The following XYLT1 variants were observed in gnomAD, a reference collection of about 807,000 sequenced individuals.
XYLT1 encodes the protein beta-D-xylosyltransferase 1.
In XYLT1, 36 loss-of-function variants were observed where a neutral mutation model predicts 91.3. The observed-to-expected ratio is 0.39, with a 90% CI of 0.30 to 0.52. The LOEUF is 0.52. Ranked by LOEUF, XYLT1 falls within the 20% of genes least tolerant of loss-of-function variation. XYLT1 has a pLI of 0.68. For synonymous variants in XYLT1, 588 were observed against 532.0 expected, an observed-to-expected ratio of 1.11 and a Z score of -1.45; for missense variants, 1,242 against 1,284.5, an observed-to-expected ratio of 0.97 and a Z score of 0.51.
chr16:17,427,671 A>G (rs370799658), intron 1 of XYLT1, among the ~76,000 whole-genome samples: 38 of 152,348 alleles, frequency 2.5e-4, no homozygotes, highest in African/African-American at 8.2e-4. Context: ...CAACAGCTGA[A>G]TCAGCATCCA....
At position 17,470,692 on chromosome 16, in the gene XYLT1, G is replaced by A; in HGVS notation, c.105C>T (p.Phe35=). ...CCCCGGCCCCGGAGTCGAGGCTGCT[G>A]AAATTCCACACGACCAGCGTCTGCA... ...LLLQTLVVWN[F]SSLDSGAGER... The change falls in exon 1 of 12, where the codon TTC becomes TTT. Residue 35 remains phenylalanine (F), a synonymous_variant. Transcript: ENST00000261381. 1 of 1,165,082 alleles carries A rather than the reference G, an allele frequency of 8.6e-7. No individual in the cohort carries two copies. The highest frequency in any genetic ancestry group is 1.1e-6 in the Non-Finnish European group (1 of 925,758). The allele number at this position is 1,165,082 out of a possible 1,614,324, so 72.2% of individuals were successfully genotyped here. A position where few individuals can be genotyped will look rare whatever the true frequency, so the allele number is the denominator to read the frequency against.
At chr16:17,277,448 G>T (rs1339596220) in intron 2 of XYLT1, among the ~76,000 whole-genome samples, 1 of 152,098 alleles carries the variant, frequency 6.6e-6, no homozygotes, top group Non-Finnish European at 1.5e-5. Context: ...GGAGTGCAGT[G>T]GCGCGATCTC....
At chr16:17,190,704 T>C (rs1273431363) in intron 5 of XYLT1, among the ~76,000 whole-genome samples, 2 of 152,146 alleles carry the variant, frequency 1.3e-5, no homozygotes, top group African/African-American at 4.8e-5. Context: ...TTGATGGACA[T>C]TTGGATTGGT....
intron 2 of XYLT1, among the ~76,000 whole-genome samples, chr16:17,285,950 G>C (rs2034134074): frequency 6.6e-6 from 1 of 151,752 alleles, no homozygotes; most frequent in Non-Finnish European, 1.5e-5. Context: ...GAGAGAGAGA[G>C]AGAAAGAGAG....
Position 17,333,535 on chromosome 16 carries a change from C to T in XYLT1, c.402+24477G>A, listed in dbSNP as rs748864281. On this transcript the variant is annotated intron_variant, in intron 2 of 11. Coordinates refer to ENST00000261381, the MANE Select transcript of XYLT1 (RefSeq NM_022166.4). ...TTCTGGAGGGTTGCTAGGGTTTCAA[C>T]GTCCATGTCACCTCCAAAATTCATG... 4.0e-5 allele frequency among the ~76,000 whole-genome samples: 6 copies of T among 151,236 alleles called. No individual in the cohort carries two copies. The East Asian group carries it at 9.7e-4, about 24-fold the overall frequency.
chr16:17,447,916 T>A (rs2036613684), intron 1 of XYLT1, among the ~76,000 whole-genome samples: 1 of 152,234 alleles, frequency 6.6e-6, no homozygotes, highest in Non-Finnish European at 1.5e-5. Flanking sequence ...CATTGTGGCC[T>A]CTGTGCTTCA....
intron 1 of XYLT1, among the ~76,000 whole-genome samples, chr16:17,371,317 C>A (rs992275720): frequency 2.6e-5 from 4 of 152,222 alleles, no homozygotes; most frequent in Non-Finnish European, 5.9e-5. Context: ...ACATAGAAAG[C>A]ACTTGGTAAA....
intron 6 of XYLT1, among the ~76,000 whole-genome samples, chr16:17,148,292 C>A (rs1468392224): frequency 6.6e-6 from 1 of 152,242 alleles, no homozygotes; most frequent in Non-Finnish European, 1.5e-5. Flanking sequence ...ATCCCTCCCC[C>A]ATGCCTGGCA....
rs2030639036 is a variant in XYLT1 at position 17,134,669 on chromosome 16, G to C, written c.1831C>G (p.Gln611Glu). Reference protein sequence around the residue: ...EAVVNQEIIGQLDYYLYGNYP... With the variant: ...EAVVNQEIIGELDYYLYGNYP... ...TTCCCGTACAGGTAATAGTCCAGCTGCCCAATGATTTCCTGATTCACCACG... is the reference window on the plus strand; with the variant it reads ...TTCCCGTACAGGTAATAGTCCAGCTCCCCAATGATTTCCTGATTCACCACG... Residue 611 changes from glutamine to glutamate, a missense_variant, in exon 9 of 12, where the codon CAG (glutamine) becomes GAG (glutamate). Around this residue, in one of 3 missense-constraint regions of XYLT1, gnomAD observed 511 missense variants for 497.0 expected, o/e 1.03. Transcript: ENST00000261381. 6.2e-7 allele frequency: 1 copy of C among 1,614,208 alleles called. No homozygotes were observed. Among genetic ancestry groups the C allele is most frequent in the Non-Finnish European group, 8.5e-7 (1 of 1,180,034 alleles).
intron 2 of XYLT1, among the ~76,000 whole-genome samples, chr16:17,261,089 A>C (rs573091382): frequency 2.7e-3 from 405 of 152,140 alleles, no homozygotes; most frequent in South Asian, 5.2e-3. Context: ...CACACACACA[A>C]AAAATAGCTA....
At chr16:17,463,258 C>T (rs533193136) in intron 1 of XYLT1, among the ~76,000 whole-genome samples, 7 of 152,176 alleles carry the variant, frequency 4.6e-5, no homozygotes, top group African/African-American at 9.6e-5. Context: ...AGCTTCTGCA[C>T]GGCAAACAAT....
intron 3 of XYLT1, among the ~76,000 whole-genome samples, chr16:17,257,652 T>C (rs1006209350): frequency 6.6e-6 from 1 of 152,042 alleles, no homozygotes. Flanking sequence ...GATGGTACAT[T>C]GGGGTTCTCT....
At chr16:17,214,924 G>A (rs2032827742) in intron 3 of XYLT1, among the ~76,000 whole-genome samples, 1 of 152,144 alleles carries the variant, frequency 6.6e-6, no homozygotes, top group Admixed American at 6.5e-5. Context: ...TCTGTTTCTC[G>A]ATGCTGAGGT....
At position 17,109,114 on chromosome 16, in the gene XYLT1, C is replaced by T. The variant is rs538813398; in HGVS notation, c.2558-97G>A. ...GCCTGGTGCTGCACTGGGTGCCATG[C>T]ATCGCCTCATTTAATTCACATGACA... On this transcript the variant is annotated intron_variant, in intron 11 of 11. Coordinates refer to ENST00000261381, the MANE Select transcript of XYLT1 (RefSeq NM_022166.4). 1,675 of 1,197,892 alleles carry T rather than the reference C, an allele frequency of 1.4e-3. 4 individuals carry two copies. The highest frequency in any genetic ancestry group is 7.3e-3 in the South Asian group (343 of 47,216). 74.2% of individuals were successfully genotyped at this position (1,197,892 alleles called of 1,614,324 possible).
chr16:17,441,640 T>A (rs563775806), intron 1 of XYLT1, among the ~76,000 whole-genome samples: 114 of 152,338 alleles, frequency 7.5e-4, no homozygotes, highest in Non-Finnish European at 1.5e-3. Flanking sequence ...GCCTTAAATT[T>A]CAAATTCTTG....
At chr16:17,320,567 C>T (rs1006396492) in intron 2 of XYLT1, among the ~76,000 whole-genome samples, 10 of 151,154 alleles carry the variant, frequency 6.6e-5, no homozygotes, top group Non-Finnish European at 1.3e-4. Context: ...GCAACCTCCG[C>T]CTCCTGGGTT....
At chr16:17,269,939 G>C (rs919671829) in intron 2 of XYLT1, among the ~76,000 whole-genome samples, 1 of 152,094 alleles carries the variant, frequency 6.6e-6, no homozygotes, top group African/African-American at 2.4e-5. Context: ...AGCCTCCTGA[G>C]TAGCTGGAAT....
intron 3 of XYLT1, among the ~76,000 whole-genome samples, chr16:17,238,204 A>G (rs2033278488): frequency 6.6e-6 from 1 of 152,362 alleles, no homozygotes; most frequent in East Asian, 1.9e-4. Flanking sequence ...CTTTTTGAAG[A>G]CAATGGCAAA....
intron 2 of XYLT1, among the ~76,000 whole-genome samples, chr16:17,305,372 G>A (rs1292292308): frequency 6.6e-6 from 1 of 150,852 alleles, no homozygotes; most frequent in Non-Finnish European, 1.5e-5. Flanking sequence ...TGCAGCTTTA[G>A]TTTTCTTAAT....
Sources: allele counts gnomAD v4.1 joint callset (sites outside exome capture counted in the v4.1 genomes callset), GRCh38; gene constraint gnomAD v4.1.1; regional missense constraint gnomAD v4.1.1; transcripts MANE v1.5; gene names NCBI Gene and HGNC (gene_info 2026-07-23, HGNC 2026-07-21).